Variants in ADARB2 observed in about 807,000 individuals in gnomAD.
The protein encoded by ADARB2 is adenosine deaminase RNA specific B2 (inactive), also known as inactive double-stranded RNA-specific editase B2.
ADARB2 carries 25 observed loss-of-function variants against 62.2 expected under a neutral mutation model. That is an observed-to-expected ratio of 0.40 (90% CI 0.29 to 0.56). The LOEUF is 0.56. Ranked by LOEUF, ADARB2 falls within the 20% of genes least tolerant of loss-of-function variation. The pLI is 0.43. For missense variants in ADARB2, 1,071 were observed against 1,077.4 expected, an observed-to-expected ratio of 0.99 and a Z score of 0.08; for synonymous variants, 572 against 500.8, an observed-to-expected ratio of 1.14 and a Z score of -1.90.
intron 6 of ADARB2, among the ~76,000 whole-genome samples, chr10:1,226,565 T>C (rs1032021006): frequency 2.6e-5 from 4 of 152,232 alleles, no homozygotes; most frequent in African/African-American, 9.6e-5. Flanking sequence ...TCTTTGATGA[T>C]GGTGATGTAC....
chr10:1,345,595 C>T (rs1832073878), intron 3 of ADARB2, among the ~76,000 whole-genome samples: 1 of 152,156 alleles, frequency 6.6e-6, no homozygotes, highest in Non-Finnish European at 1.5e-5. Context: ...GACCTGGATT[C>T]CCATCTGGGG....
intron 3 of ADARB2, among the ~76,000 whole-genome samples, chr10:1,293,815 T>C (rs1831499748): frequency 6.6e-6 from 1 of 152,198 alleles, no homozygotes; most frequent in African/African-American, 2.4e-5. Flanking sequence ...ATAAAAATCT[T>C]GCCTAAAACC....
intron 1 of ADARB2, among the ~76,000 whole-genome samples, chr10:1,532,692 G>A (rs375067405): frequency 2.2e-4 from 33 of 152,172 alleles, no homozygotes; most frequent in African/African-American, 8.0e-4. Context: ...TGCCAGCCGT[G>A]ATGATCAGAA....
At chr10:1,260,530 C>A (rs1284387008) in intron 4 of ADARB2, among the ~76,000 whole-genome samples, 1 of 151,756 alleles carries the variant, frequency 6.6e-6, no homozygotes, top group African/African-American at 2.4e-5. Context: ...AGAGCCAAAT[C>A]ATGAGTGAAC....
intron 2 of ADARB2, among the ~76,000 whole-genome samples, chr10:1,371,286 A>C (rs1327006580): frequency 6.6e-6 from 1 of 152,244 alleles, no homozygotes; most frequent in African/African-American, 2.4e-5. Context: ...ATATACAAAA[A>C]TTAATTCGAC....
intron 1 of ADARB2, among the ~76,000 whole-genome samples, chr10:1,501,172 C>T (rs1831764088): frequency 6.6e-6 from 1 of 152,212 alleles, no homozygotes; most frequent in Non-Finnish European, 1.5e-5. Flanking sequence ...CACGCCTGGC[C>T]TCTAGTGTAC....
At chr10:1,262,502 G>A (rs1831151465) in intron 4 of ADARB2, among the ~76,000 whole-genome samples, 1 of 152,028 alleles carries the variant, frequency 6.6e-6, no homozygotes. Context: ...CTCAAAAGAA[G>A]ACATTTATGC....
intron 1 of ADARB2, among the ~76,000 whole-genome samples, chr10:1,434,559 G>A (rs1830814703): frequency 6.6e-6 from 1 of 152,092 alleles, no homozygotes; most frequent in Non-Finnish European, 1.5e-5. Context: ...GGGCCTTGAA[G>A]CATGACAAAA....
At chr10:1,435,307 A>G (rs1830823009) in intron 1 of ADARB2, among the ~76,000 whole-genome samples, 1 of 152,054 alleles carries the variant, frequency 6.6e-6, no homozygotes, top group Non-Finnish European at 1.5e-5. Context: ...CATAAAATGA[A>G]CTCAAGGGAG....
chr10:1,643,261 A>G (rs1019025427), intron 1 of ADARB2, among the ~76,000 whole-genome samples: 1 of 152,248 alleles, frequency 6.6e-6, no homozygotes, highest in South Asian at 2.1e-4. Context: ...GATGTTTTAC[A>G]TGAAAGGGCT....
chr10:1,657,629 T>C (rs902747469), intron 1 of ADARB2, among the ~76,000 whole-genome samples: 1 of 152,150 alleles, frequency 6.6e-6, no homozygotes, highest in African/African-American at 2.4e-5. Flanking sequence ...CTGCAGGCGG[T>C]TACCAAGTAA....
chr10:1,365,125 G>A (rs1293210767), intron 2 of ADARB2, among the ~76,000 whole-genome samples: 2 of 151,988 alleles, frequency 1.3e-5, no homozygotes, highest in South Asian at 4.2e-4. Context: ...GCCTGCCTCC[G>A]TCTCCCAAAG....
chr10:1,263,057 C>G (rs1831158332), intron 4 of ADARB2, among the ~76,000 whole-genome samples: 1 of 145,972 alleles, frequency 6.9e-6, no homozygotes, highest in African/African-American at 2.6e-5. Context: ...TGCATGTTCT[C>G]ACTCATAGGT....
intron 1 of ADARB2, among the ~76,000 whole-genome samples, chr10:1,510,122 T>TTCTC (rs1831912277): frequency 1.7e-5 from 2 of 115,272 alleles, no homozygotes; most frequent in African/African-American, 3.6e-5. Flanking sequence ...CTTTCTTTCT[T>TTCTC]TCTTTCTTTC....
At chr10:1,271,926 C>T (rs1288894690) in intron 3 of ADARB2, among the ~76,000 whole-genome samples, 3 of 152,186 alleles carry the variant, frequency 2.0e-5, no homozygotes, top group Non-Finnish European at 2.9e-5. Context: ...CTGGGTGAGT[C>T]GTTAACTCCT....
intron 1 of ADARB2, among the ~76,000 whole-genome samples, chr10:1,608,102 T>A (rs1469716582): frequency 1.3e-5 from 2 of 152,218 alleles, no homozygotes; most frequent in Non-Finnish European, 2.9e-5. Flanking sequence ...ATCATCTATT[T>A]ATCATCTTGT....
intron 3 of ADARB2, among the ~76,000 whole-genome samples, chr10:1,314,969 A>G (rs1245139891): frequency 6.6e-6 from 1 of 152,180 alleles, no homozygotes; most frequent in African/African-American, 2.4e-5. Context: ...AGAGGGTGTC[A>G]GCCGCACTCT....
chr10:1,591,762 C>A (rs1450752283), intron 1 of ADARB2, among the ~76,000 whole-genome samples: 1 of 152,158 alleles, frequency 6.6e-6, no homozygotes. Context: ...TGACATGATT[C>A]CACTTATGCC....
At chr10:1,225,872 C>T (rs929667440) in intron 6 of ADARB2, among the ~76,000 whole-genome samples, 1 of 152,070 alleles carries the variant, frequency 6.6e-6, no homozygotes, top group African/African-American at 2.4e-5. Context: ...TTTGGTGAAT[C>T]TGACAATTAT....
Sources: allele counts gnomAD v4.1 joint callset (sites outside exome capture counted in the v4.1 genomes callset), GRCh38; gene constraint gnomAD v4.1.1; transcripts MANE v1.5; gene names NCBI Gene and HGNC (gene_info 2026-07-23, HGNC 2026-07-21).